RCBTB2: variants seen among roughly 807,000 people sequenced by gnomAD.
RCBTB2 encodes the protein RCC1 and BTB domain containing protein 2.
In RCBTB2, 55 loss-of-function variants were observed where a neutral mutation model predicts 65.4. The observed-to-expected ratio is 0.84, with a 90% CI of 0.68 to 1.05. The LOEUF is 1.05. Among genes scored for constraint, RCBTB2 ranks in the 50% least tolerant of loss-of-function variants. The probability of loss-of-function intolerance (pLI) is 0.00; values close to 1 mark genes in which losing one functional copy is unlikely to be tolerated. For synonymous variants in RCBTB2, 220 were observed against 255.2 expected, an observed-to-expected ratio of 0.86 and a Z score of 1.31; for missense variants, 599 against 680.1, an observed-to-expected ratio of 0.88 and a Z score of 1.33.
chr13:48,531,753 T>C (rs1952138873), intron 1 of RCBTB2, among the ~76,000 whole-genome samples: 1 of 152,256 alleles, frequency 6.6e-6, no homozygotes, highest in African/African-American at 2.4e-5. Flanking sequence ...ATACTCATTC[T>C]CTGAGCCTAA....
chr13:48,511,750 C>A lies in RCBTB2; in HGVS notation c.783+20G>T. 1 of 1,600,134 alleles carries A rather than the reference C, an allele frequency of 6.2e-7. No homozygotes were observed. The highest frequency in any genetic ancestry group is 8.5e-7 in the Non-Finnish European group (1 of 1,172,122). Reference sequence around the variant, plus strand: ...GCGAAGACTTAAAAATACACGCACACAAACTGACAGTGGACGTACCCTCTG... The same window carrying A: ...GCGAAGACTTAAAAATACACGCACAAAAACTGACAGTGGACGTACCCTCTG... On this transcript the variant is annotated intron_variant, in intron 9 of 14. Transcript: ENST00000344532.
upstream of RCBTB2, among the ~76,000 whole-genome samples, chr13:48,534,659 T>C (rs903560855): frequency 1.3e-5 from 2 of 152,244 alleles, no homozygotes; most frequent in Non-Finnish European, 2.9e-5. Flanking sequence ...TAAAAGAATG[T>C]GTTTCACTAA....
rs1429307313 is a variant in RCBTB2 at position 48,527,746 on chromosome 13, T to C, written c.-218-2989A>G. On this transcript the variant is annotated intron_variant, in intron 1 of 14. Transcript: ENST00000344532. ...AATTTATTTTTAAAGTATCCCTGTTTGGGGCAGATAACTCCTTATTTCTAT... is the reference window on the plus strand; with the variant it reads ...AATTTATTTTTAAAGTATCCCTGTTCGGGGCAGATAACTCCTTATTTCTAT... Among the ~76,000 whole-genome samples, 3 of 152,220 alleles carry C rather than the reference T, an allele frequency of 2.0e-5. No individual in the cohort carries two copies. The East Asian group carries it at 5.8e-4, about 29-fold the overall frequency.
chr13:48,500,072 A>C (rs1415559516), intron 12 of RCBTB2, among the ~76,000 whole-genome samples: 1 of 152,196 alleles, frequency 6.6e-6, no homozygotes, highest in Non-Finnish European at 1.5e-5. Context: ...ATTTTTATAA[A>C]ATCTAAGTAA....
intron 14 of RCBTB2, among the ~76,000 whole-genome samples, chr13:48,493,311 ACACACTCTCT>A (rs1446721789): frequency 1.6e-3 from 94 of 57,424 alleles, no homozygotes; most frequent in African/African-American, 5.5e-3. Context: ...ACACACACAC[ACACACTCTCT>A]CTCTCTCTCT....
chr13:48,517,544 C>A (rs902324413), intron 4 of RCBTB2, among the ~76,000 whole-genome samples: 4 of 152,228 alleles, frequency 2.6e-5, no homozygotes, highest in Admixed American at 1.3e-4. Flanking sequence ...TAACTTGTAT[C>A]CAAAGTAAAG....
chr13:48,530,110 G>A (rs937422381), intron 1 of RCBTB2, among the ~76,000 whole-genome samples: 1 of 151,920 alleles, frequency 6.6e-6, no homozygotes, highest in East Asian at 1.9e-4. Context: ...TGTTGTCCCG[G>A]CTGGTCTCTA....
intron 10 of RCBTB2, among the ~76,000 whole-genome samples, chr13:48,507,204 G>C (rs1434980874): frequency 6.6e-6 from 1 of 152,238 alleles, no homozygotes; most frequent in African/African-American, 2.4e-5. Flanking sequence ...CGCGGATTTG[G>C]TTGGCTGCAG....
chr13:48,511,759 A>C lies in RCBTB2; in HGVS notation c.783+11T>G. 2 of 1,607,238 alleles carry C rather than the reference A, an allele frequency of 1.2e-6. No individual in the cohort carries two copies. Among genetic ancestry groups the C allele is most frequent in the African/African-American group, 2.7e-5 (2 of 74,694 alleles). ...TAAAAATACACGCACACAAACTGAC[A>C]GTGGACGTACCCTCTGGACACGGAT... On this transcript the variant is annotated intron_variant, in intron 9 of 14. Transcript: ENST00000344532.
chr13:48,491,183 A>T (rs1325206440), intron 14 of RCBTB2, among the ~76,000 whole-genome samples: 2 of 152,340 alleles, frequency 1.3e-5, no homozygotes, highest in East Asian at 1.9e-4. Flanking sequence ...TATGAACATT[A>T]CACACGATAG....
intron 4 of RCBTB2, among the ~76,000 whole-genome samples, chr13:48,519,712 T>C (rs1951312504): frequency 6.6e-6 from 1 of 152,170 alleles, no homozygotes; most frequent in African/African-American, 2.4e-5. Context: ...ATAATTACAA[T>C]ATAACCTAAG....
chr13:48,531,289 T>G (rs1242993363), intron 1 of RCBTB2, among the ~76,000 whole-genome samples: 1 of 152,146 alleles, frequency 6.6e-6, no homozygotes, highest in African/African-American at 2.4e-5. Flanking sequence ...ATCTCTGGAG[T>G]AAGTTAGTTT....
At position 48,496,211 on chromosome 13, in the gene RCBTB2, C is replaced by A; in HGVS notation, c.1495G>T (p.Ala499Ser). ...EENAIALLSA[A>S]VKYDAQDLEE... Reference sequence around the variant, plus strand: ...CTTACCTGTGCATCATACTTCACCGCAGCCGAGAGCAGAGCGATGGCATTC... The same window carrying A: ...CTTACCTGTGCATCATACTTCACCGAAGCCGAGAGCAGAGCGATGGCATTC... The change falls in exon 14 of 15, where the codon GCG (alanine) becomes TCG (serine). Residue 499 changes from alanine (A) to serine (S), a missense_variant. Transcript: ENST00000344532. 6.5e-7 allele frequency: 1 copy of A among 1,540,246 alleles called. No homozygotes were observed. Among genetic ancestry groups the A allele is most frequent in the Admixed American group, 2.0e-5 (1 of 49,202 alleles).
chr13:48,518,883 C>T (rs971759850), intron 4 of RCBTB2, among the ~76,000 whole-genome samples: 7 of 152,056 alleles, frequency 4.6e-5, no homozygotes, highest in East Asian at 1.9e-4. Context: ...ATGAGGCCTT[C>T]GTTTTTAATT....
chr13:48,518,472 A>AAAT (rs1491137365), intron 4 of RCBTB2, among the ~76,000 whole-genome samples: 254 of 116,564 alleles, frequency 2.2e-3, no homozygotes, highest in African/African-American at 7.7e-3. Flanking sequence ...AAAAAAAAAA[A>AAAT]ATATATATAT....
intron 13 of RCBTB2, among the ~76,000 whole-genome samples, chr13:48,498,602 T>C (rs1950081648): frequency 6.6e-6 from 1 of 152,096 alleles, no homozygotes; most frequent in Non-Finnish European, 1.5e-5. Context: ...TGGTGGTGCA[T>C]GCCTGTAATC....
chr13:48,507,622 G>A (rs1226776610), intron 10 of RCBTB2, among the ~76,000 whole-genome samples: 1 of 152,184 alleles, frequency 6.6e-6, no homozygotes, highest in African/African-American at 2.4e-5. Flanking sequence ...AAAACCTTGA[G>A]GGGGGTGAAA....
At chr13:48,491,351 C>A (rs1374730188) in intron 14 of RCBTB2, among the ~76,000 whole-genome samples, 1 of 152,054 alleles carries the variant, frequency 6.6e-6, no homozygotes, top group Non-Finnish European at 1.5e-5. Context: ...TTATTTCATG[C>A]CTGAAGATAA....
At chr13:48,493,287 CTCCACA>C (rs1566254308) in intron 14 of RCBTB2, among the ~76,000 whole-genome samples, 10 of 110,560 alleles carry the variant, frequency 9.0e-5, no homozygotes, top group African/African-American at 5.0e-4. Flanking sequence ...CTCTCTCTCT[CTCCACA>C]CACACACACA....
Sources: gnomAD v4.1 joint callset for allele counts (sites outside exome capture counted in the v4.1 genomes callset) on GRCh38, gnomAD v4.1.1 for gene constraint, MANE v1.5 for transcripts, NCBI Gene and HGNC (gene_info 2026-07-23, HGNC 2026-07-21) for gene names.